The following DNAH7 variants were observed in gnomAD, a reference collection of about 807,000 sequenced individuals.
DNAH7 encodes the protein dynein axonemal heavy chain 7.
A neutral mutation model predicts 444.6 loss-of-function variants in DNAH7; 397 were observed. The observed-to-expected ratio is 0.89, with a 90% CI of 0.82 to 0.97. The LOEUF (loss-of-function observed/expected upper bound fraction) is 0.97, where lower values mean the gene tolerates loss of function less well. Ranked by LOEUF, DNAH7 falls within the 50% of genes least tolerant of loss-of-function variation. DNAH7 has a pLI of 0.00. For synonymous variants in DNAH7, 1,636 were observed against 1,624.4 expected (o/e 1.01, Z -0.17); for missense variants, 4,902 against 4,800.8 (o/e 1.02, Z -0.62).
chr2:195,996,056 T>C (rs1273588723), intron 12 of DNAH7, among the ~76,000 whole-genome samples: 27 of 152,220 alleles, frequency 1.8e-4, no homozygotes, highest in Admixed American at 1.8e-3. Context: ...TGCAATCATA[T>C]ATGCTAGCTT....
At chr2:195,881,643 C>CA (rs549774814) in intron 36 of DNAH7, 152 bp downstream of exon 36, 14,559 of 680,518 alleles carry the variant, frequency 0.021, 106 homozygotes, top group Admixed American at 0.029. Context: ...TTGGCTAAAA[C>CA]AAAAAAAAAT....
chr2:195,802,881 C>G lies in DNAH7; in HGVS notation c.10177-3409G>C, dbSNP rs550453706. ...CACCCTTCACCCTTCTGAGTCTCCT[C>G]TGTTTGTCATTCTACACTCTATATC... On this transcript the variant is annotated intron_variant, in intron 54 of 64. Coordinates refer to ENST00000312428, the MANE Select transcript of DNAH7 (RefSeq NM_018897.3). Among the ~76,000 whole-genome samples the G allele has an allele frequency of 1.2e-4, 18 of 152,252 alleles. No homozygotes were observed. In the South Asian group the frequency reaches 3.7e-3, roughly 32 times the overall value.
rs1203612220 is a variant in DNAH7 at position 195,875,948 on chromosome 2, T to C, written c.6118-105A>G. On this transcript the variant is annotated intron_variant, in intron 37 of 64. Coordinates refer to ENST00000312428, the MANE Select transcript of DNAH7 (RefSeq NM_018897.3). ...AATACTTAGCTATCTATTTGCAGAG[T>C]ACATATGAGGAAGTGATGGTTTCTT... The C allele has an allele frequency of 1.3e-5, 14 of 1,053,804 alleles. No homozygotes were observed. The East Asian group carries it at 3.2e-4, about 24-fold the overall frequency. The allele number at this position is 1,053,804 out of a possible 1,614,324, so 65.3% of individuals were successfully genotyped here.
At chr2:195,900,553 A>G (rs1371258152) in intron 27 of DNAH7, 59 bp from the exon 28 acceptor site, 1 of 1,478,142 alleles carries the variant, frequency 6.8e-7, no homozygotes, top group Non-Finnish European at 9.4e-7. Context: ...CTAGGCATGG[A>G]AAGATAAATA....
At chr2:196,034,005 C>T (rs1696226580) in intron 5 of DNAH7, among the ~76,000 whole-genome samples, 1 of 152,122 alleles carries the variant, frequency 6.6e-6, no homozygotes, top group African/African-American at 2.4e-5. Flanking sequence ...CTCCCTTAGA[C>T]TAAGAATTCC....
intron 12 of DNAH7, chr2:195,994,367 C>T (rs1693554258): frequency 7.1e-6 from 5 of 702,430 alleles, no homozygotes; most frequent in South Asian, 6.2e-5. Flanking sequence ...GCAGGGGAGG[C>T]AGTAAGTTTA....
At chr2:195,895,293 T>A in intron 29 of DNAH7, 69 bp from the exon 30 acceptor site, 2 of 1,049,400 alleles carry the variant, frequency 1.9e-6, no homozygotes, top group Non-Finnish European at 2.7e-6. Context: ...TTTGTATTGA[T>A]GGAAATAGGG....
chr2:195,902,960 T>C (rs930584722), intron 27 of DNAH7: 2 of 152,160 alleles, frequency 1.3e-5, no homozygotes, highest in Admixed American at 1.3e-4. Flanking sequence ...TTTAGTGCTT[T>C]GTTAAAAAAA....
Position 195,748,680 on chromosome 2 carries a change from C to T in DNAH7, c.11764+5657G>A, listed in dbSNP as rs1168229479. Reference sequence around the variant, plus strand: ...AGAACAGAGCCCTCAGAAATAACGCCGCTTATCTACAACTATCTGATCTTT... The same window carrying T: ...AGAACAGAGCCCTCAGAAATAACGCTGCTTATCTACAACTATCTGATCTTT... On this transcript the variant is annotated intron_variant, in intron 63 of 64. Coordinates refer to ENST00000312428, the MANE Select transcript of DNAH7 (RefSeq NM_018897.3). 6.6e-5 allele frequency among the ~76,000 whole-genome samples: 10 copies of T among 152,210 alleles called. No homozygotes were observed. The South Asian group carries it at 8.3e-4, about 13-fold the overall frequency.
intron 27 of DNAH7, chr2:195,902,640 T>C (rs1686779314): frequency 6.6e-6 from 1 of 152,168 alleles, no homozygotes; most frequent in Non-Finnish European, 1.5e-5. Context: ...TATTCACCTC[T>C]TAGCACTGTT....
intron 7 of DNAH7, 61 bp from the exon 8 acceptor site, chr2:196,024,565 G>T: frequency 1.1e-6 from 1 of 939,748 alleles, no homozygotes; most frequent in Non-Finnish European, 1.5e-6. Flanking sequence ...ACATTTCCAA[G>T]CAATTGCAAA....
chr2:195,922,035 T>G, intron 24 of DNAH7, 53 bp downstream of exon 24: 2 of 1,028,278 alleles, frequency 1.9e-6, no homozygotes, highest in South Asian at 2.6e-5. Context: ...AAATCAGTGG[T>G]ACAGGGGTGA....
chr2:195,906,842 T>C (rs1234362924), intron 26 of DNAH7, 56 bp from the exon 27 acceptor site: 1 of 1,609,700 alleles, frequency 6.2e-7, no homozygotes, highest in Non-Finnish European at 8.5e-7. Context: ...ACATGAGCTG[T>C]GCCATTCACT....
In DNAH7 at chr2:195,988,129, A is replaced by C. The variant is rs546200849; in HGVS notation, c.1454T>G (p.Val485Gly). 6.2e-7 allele frequency: 1 copy of C among 1,613,604 alleles called. No homozygotes were observed. Among genetic ancestry groups the C allele is most frequent in the Non-Finnish European group, 8.5e-7 (1 of 1,179,762 alleles). ...KIKEVIMKESVAPTEHLRLYD... is the reference protein window; with the variant it reads ...KIKEVIMKESGAPTEHLRLYD... ...GAGTCTGAGGTGCTCAGTAGGTGCCACACTCTCTTTCATAATAACTTCCTT... is the reference window on the plus strand; with the variant it reads ...GAGTCTGAGGTGCTCAGTAGGTGCCCCACTCTCTTTCATAATAACTTCCTT... The change falls in exon 13 of 65, where the codon GTG becomes GGG. Residue 485 changes from valine (V) to glycine (G), a missense_variant. Transcript: ENST00000312428.
chr2:195,895,358 T>G (rs540225172), intron 29 of DNAH7, 134 bp from the exon 30 acceptor site: 15 of 559,460 alleles, frequency 2.7e-5, no homozygotes, highest in Non-Finnish European at 4.4e-5. Flanking sequence ...GAGGAATAGT[T>G]CACATACGCA....
At chr2:195,841,202 A>G (rs190159392) in intron 47 of DNAH7, among the ~76,000 whole-genome samples, 1 of 151,546 alleles carries the variant, frequency 6.6e-6, no homozygotes, top group East Asian at 1.9e-4. Flanking sequence ...TGCTGGAACA[A>G]TTGTATATTT....
chr2:196,068,417 C>G (rs1698549387), intron 1 of DNAH7: 1 of 479,492 alleles, frequency 2.1e-6, no homozygotes, highest in Admixed American at 3.9e-5. Flanking sequence ...CCGCCATTAG[C>G]ACTCTGGGGG....
chr2:196,043,691 T>C lies in DNAH7; in HGVS notation c.398+3661A>G, dbSNP rs140505856. On this transcript the variant is annotated intron_variant, in intron 5 of 64. Transcript: ENST00000312428. Reference sequence around the variant, plus strand: ...ACAGAGGACTAATACCCAGAATCTATAAGGAACTCAAAAAATCAGGAAGAA... The same window carrying C: ...ACAGAGGACTAATACCCAGAATCTACAAGGAACTCAAAAAATCAGGAAGAA... Among the ~76,000 whole-genome samples the C allele has an allele frequency of 6.9e-4, 104 of 151,690 alleles. 1 individual carries two copies. Among genetic ancestry groups the C allele is most frequent in the African/African-American group, 2.1e-3 (88 of 41,328 alleles).
intron 51 of DNAH7, among the ~76,000 whole-genome samples, chr2:195,813,045 C>T (rs564996937): frequency 3.9e-5 from 6 of 152,124 alleles, no homozygotes; most frequent in Non-Finnish European, 8.8e-5. Flanking sequence ...TATAACCATG[C>T]CCTGTGGTCA....
Sources: gnomAD v4.1 joint callset for allele counts (sites outside exome capture counted in the v4.1 genomes callset) on GRCh38, gnomAD v4.1.1 for gene constraint, MANE v1.5 for transcripts, NCBI Gene and HGNC (gene_info 2026-07-23, HGNC 2026-07-21) for gene names.